Variants in ATN1 observed in about 807,000 individuals in gnomAD.
ATN1 encodes the protein atrophin-1.
Under a neutral mutation model 85.8 loss-of-function variants are expected in ATN1, and 19 were observed. That is an observed-to-expected ratio of 0.22 (90% CI 0.15 to 0.32). The LOEUF (loss-of-function observed/expected upper bound fraction) is 0.32. ATN1 is among the 10% of genes least tolerant of loss of function. The pLI, the probability that ATN1 is intolerant of heterozygous loss-of-function variation, is 1.00. For missense variants in ATN1, 1,453 were observed against 1,564.5 expected (o/e 0.93, Z 1.20); for synonymous variants, 674 against 657.0 (o/e 1.03, Z -0.39).
At position 6,938,710 on chromosome 12, in the gene ATN1, T is replaced by G; in HGVS notation, c.2747T>G (p.Leu916Arg). Residue 916 changes from leucine (L) to arginine (R), a missense_variant, in exon 7 of 10, where the codon CTG becomes CGG. Leu to Arg is a moderately radical substitution (Grantham distance 102). This residue lies in a region of ATN1 where 208 missense variants were observed against 263.4 expected (regional missense o/e 0.79). Coordinates refer to ENST00000396684, the MANE Select transcript of ATN1 (RefSeq NM_001940.4). ...VPLGAVDPGL[L>R]GYNVPALYSS... The stretch of plus-strand genomic sequence containing the variant: ...CTGGGGGCAGTGGACCCGGGGCTCC[T>G]GGGTTACAATGTCCCGGCCCTGTAC... 1 of 1,614,062 alleles carries G rather than the reference T, an allele frequency of 6.2e-7. No individual in the cohort carries two copies. Among genetic ancestry groups the G allele is most frequent in the Non-Finnish European group, 8.5e-7 (1 of 1,180,026 alleles).
At position 6,938,656 on chromosome 12, in the gene ATN1, G is replaced by A. The variant is rs1555144241; in HGVS notation, c.2693G>A (p.Gly898Asp). ...EYARPHVMSPGNRNHPFYVPL... is the reference protein window; with the variant it reads ...EYARPHVMSPDNRNHPFYVPL... ...GCCCGGCCTCATGTCATGTCTCCTG[G>A]CAATCGCAACCATCCATTCTACGTG... Residue 898 changes from glycine (G) to aspartate (D), a missense_variant, in exon 7 of 10, where the codon GGC (glycine) becomes GAC (aspartate). Physicochemically the swap from Gly to Asp is moderately conservative, Grantham distance 94. Around this residue, in one of 6 missense-constraint regions of ATN1, gnomAD observed 208 missense variants for 263.4 expected, o/e 0.79. Coordinates refer to ENST00000396684, the MANE Select transcript of ATN1 (RefSeq NM_001940.4). 1 of 1,614,194 alleles carries A rather than the reference G, an allele frequency of 6.2e-7. No homozygotes were observed. The highest frequency in any genetic ancestry group is 1.1e-5 in the South Asian group (1 of 91,086).
chr12:6,935,958 C>T lies in ATN1; in HGVS notation c.691C>T (p.Pro231Ser), dbSNP rs782075942. ...PGGTGGVLSGPPMGPKGGGAA... is the reference protein window; with the variant it reads ...PGGTGGVLSGSPMGPKGGGAA... The stretch of plus-strand genomic sequence containing the variant: ...GGGCACTGGTGGAGTTTTGTCTGGA[C>T]CCCCAATGGGTCCCAAGGGGGGAGG... The change falls in exon 5 of 10, where the codon CCC (proline) becomes TCC (serine). Residue 231 changes from proline to serine, a missense_variant. By Grantham distance (74) the Pro-to-Ser change is moderately conservative (BLOSUM62 -1). Coordinates refer to ENST00000396684, the MANE Select transcript of ATN1 (RefSeq NM_001940.4). This position sits in a 1 kb window ranked among gnomAD's most constrained non-coding sequence, Gnocchi z 5.3. 1.9e-6 allele frequency: 3 copies of T among 1,592,564 alleles called. No homozygotes were observed. Among genetic ancestry groups the T allele is most frequent in the Non-Finnish European group, 2.6e-6 (3 of 1,168,422 alleles).
chr12:6,927,511 C>T (rs1555142695), upstream of ATN1, among the ~76,000 whole-genome samples: 2 of 152,008 alleles, frequency 1.3e-5, no homozygotes, highest in African/African-American at 4.8e-5. Flanking sequence ...CCCTCACCAC[C>T]CACAGCCCCT....
At position 6,935,915 on chromosome 12, in the gene ATN1, C is replaced by T; in HGVS notation, c.648C>T (p.His216=). 1.2e-6 allele frequency: 2 copies of T among 1,609,036 alleles called. No individual in the cohort carries two copies. The highest frequency in any genetic ancestry group is 1.3e-5 in the African/African-American group (1 of 74,962). The part of the protein sequence containing the change: ...FQAPPGAPPP[H]PQLYPGGTGG... ...CTCCTCCTGGGGCCCCTCCCCCTCA[C>T]CCACAGCTCTATCCTGGGGGCACTG... Residue 216 remains histidine (H), a synonymous_variant, in exon 5 of 10, where the codon CAC becomes CAT. Transcript: ENST00000396684. This position sits in a 1 kb window ranked among gnomAD's most constrained non-coding sequence, Gnocchi z 5.3.
chr12:6,927,016 T>A (rs1945405527), upstream of ATN1, among the ~76,000 whole-genome samples: 1 of 151,694 alleles, frequency 6.6e-6, no homozygotes, highest in African/African-American at 2.4e-5. Flanking sequence ...TTCCCTAGAA[T>A]TGGCACCTGG....
intron 1 of ATN1, 87 bp from the exon 2 acceptor site, chr12:6,933,753 G>A (rs190348301): frequency 1.5e-4 from 88 of 585,192 alleles, no homozygotes; most frequent in African/African-American, 1.2e-3. Flanking sequence ...GGGTTGGGCC[G>A]CTTGCTCAGT....
At chr12:6,927,431 C>T (rs1478704654), upstream of ATN1, among the ~76,000 whole-genome samples, 2 of 151,810 alleles carry the variant, frequency 1.3e-5, no homozygotes, top group Non-Finnish European at 2.9e-5. Context: ...CCCCAGGATC[C>T]CCCAAACTCC....
upstream of ATN1, among the ~76,000 whole-genome samples, chr12:6,926,509 C>G (rs1200704152): frequency 1.3e-5 from 2 of 151,062 alleles, no homozygotes; most frequent in African/African-American, 4.9e-5. Flanking sequence ...GCGTCTCGCT[C>G]TGTCTCCCAG....
At chr12:6,927,784 C>G (rs1461852524), upstream of ATN1, among the ~76,000 whole-genome samples, 1 of 151,922 alleles carries the variant, frequency 6.6e-6, no homozygotes, top group East Asian at 1.9e-4. Context: ...CTCCCAGGCT[C>G]CCTCCCTTCG....
intron 6 of ATN1, 120 bp from the exon 7 acceptor site, chr12:6,938,361 C>T: frequency 7.2e-7 from 1 of 1,390,964 alleles, no homozygotes; most frequent in South Asian, 1.5e-5. Context: ...TCCAGGTGGG[C>T]AGAGTTTCAA....
Position 6,939,177 on chromosome 12 carries a change from G to A in ATN1, c.3214G>A (p.Ala1072Thr). Residue 1072 changes from alanine to threonine, a missense_variant and splice_region_variant, in exon 7 of 10, where the codon GCC (alanine) becomes ACC (threonine). By Grantham distance (58) the Ala-to-Thr change is moderately conservative (BLOSUM62 0). Around this residue, in one of 6 missense-constraint regions of ATN1, gnomAD observed 118 missense variants for 163.7 expected, o/e 0.72. Coordinates refer to ENST00000396684, the MANE Select transcript of ATN1 (RefSeq NM_001940.4). Reference protein sequence around the residue: ...HLHQQDAIHAASASVHPLIDP... With the variant: ...HLHQQDAIHATSASVHPLIDP... ...GCACCAGCAAGATGCTATCCATGCA[G>A]GTGAGACCCCTCCTTCCTTGCCCTG... 1 of 1,590,556 alleles carries A rather than the reference G, an allele frequency of 6.3e-7. No individual in the cohort carries two copies. Among genetic ancestry groups the A allele is most frequent in the Non-Finnish European group, 8.5e-7 (1 of 1,172,866 alleles).
chr12:6,937,138 C>T lies in ATN1; in HGVS notation c.1871C>T (p.Ser624Leu). ...LSTVIATVAS[S>L]PAGYKTASPP... The stretch of plus-strand genomic sequence containing the variant: ...ACGGTCATTGCCACCGTGGCTTCCT[C>T]GCCAGCAGGCTACAAAACGGCCTCC... Residue 624 changes from serine to leucine, a missense_variant, in exon 5 of 10, where the codon TCG becomes TTG. Transcript: ENST00000396684. The surrounding 1 kb of genome is among the most constrained non-coding windows in gnomAD (Gnocchi z 6.0). 1 of 1,611,524 alleles carries T rather than the reference C, an allele frequency of 6.2e-7. No individual in the cohort carries two copies. Among genetic ancestry groups the T allele is most frequent in the Non-Finnish European group, 8.5e-7 (1 of 1,180,002 alleles).
At chr12:6,930,735 G>A (rs899669156) in intron 1 of ATN1, among the ~76,000 whole-genome samples, 3 of 152,190 alleles carry the variant, frequency 2.0e-5, no homozygotes, top group Non-Finnish European at 4.4e-5. Context: ...GGTGGAGCTT[G>A]CAGTGAGCCG....
Position 6,939,173 on chromosome 12 carries a change from T to G in ATN1, c.3210T>G (p.His1070Gln). 1 of 1,594,628 alleles carries G rather than the reference T, an allele frequency of 6.3e-7. No individual in the cohort carries two copies. Among genetic ancestry groups the G allele is most frequent in the South Asian group, 1.1e-5 (1 of 90,772 alleles). The change falls in exon 7 of 10, where the codon CAT (histidine) becomes CAG (glutamine). Residue 1070 changes from histidine to glutamine, a missense_variant. By Grantham distance (24) the His-to-Gln change is conservative. Around this residue, in one of 6 missense-constraint regions of ATN1, gnomAD observed 118 missense variants for 163.7 expected, o/e 0.72. Transcript: ENST00000396684. ...ACCTGCACCAGCAAGATGCTATCCA[T>G]GCAGGTGAGACCCCTCCTTCCTTGC... ...HLHLHQQDAI[H>Q]AASASVHPLI... is the part of the protein sequence containing the mutation.
chr12:6,939,229 C>A, intron 7 of ATN1, 52 bp downstream of exon 7: 1 of 1,524,676 alleles, frequency 6.6e-7, no homozygotes. Context: ...TTCCCCCTAT[C>A]ATGACTGGGC....
At position 6,937,652 on chromosome 12, in the gene ATN1, C is replaced by T. The variant is rs1945568318; in HGVS notation, c.2294+91C>T. 1 of 1,430,206 alleles carries T rather than the reference C, an allele frequency of 7.0e-7. No homozygotes were observed. Among genetic ancestry groups the T allele is most frequent in the Admixed American group, 2.8e-5 (1 of 35,432 alleles). 88.6% of individuals were successfully genotyped at this position (1,430,206 alleles called of 1,614,324 possible). Reference sequence around the variant, plus strand: ...GGGAGTAGCAGGGAGGGGCCTTGCGCTGGTGTAGTGTTTTAGAAAAGCACG... The same window carrying T: ...GGGAGTAGCAGGGAGGGGCCTTGCGTTGGTGTAGTGTTTTAGAAAAGCACG... On this transcript the variant is annotated intron_variant, in intron 5 of 9. Transcript: ENST00000396684. The surrounding 1 kb of genome is among the most constrained non-coding windows in gnomAD (Gnocchi z 6.0).
rs1945648364 is a variant in ATN1, at chr12:6,942,294, C to G, written c.*514C>G. ...AACATCCCAACCAAAACCAACCAAA[C>G]AAAAACATCCTCACAACTCCCCAGG... On this transcript the variant is annotated 3_prime_UTR_variant, in exon 10 of 10. Coordinates refer to ENST00000396684, the MANE Select transcript of ATN1 (RefSeq NM_001940.4). 6.5e-6 allele frequency: 1 copy of G among 153,924 alleles called. No individual in the cohort carries two copies. Among genetic ancestry groups the G allele is most frequent in the Non-Finnish European group, 1.5e-5 (1 of 68,948 alleles). 9.5% of individuals were successfully genotyped at this position (153,924 alleles called of 1,614,324 possible).
At chr12:6,938,319 C>T (rs2083508326) in intron 6 of ATN1, among the ~76,000 whole-genome samples, 162 bp from the exon 7 acceptor site, 1 of 152,202 alleles carries the variant, frequency 6.6e-6, no homozygotes, top group Admixed American at 6.5e-5. Context: ...CCAAGAAGGG[C>T]AAATATTCGG....
chr12:6,930,840 G>A (rs1945453032), intron 1 of ATN1, among the ~76,000 whole-genome samples: 3 of 151,944 alleles, frequency 2.0e-5, no homozygotes, highest in Admixed American at 2.0e-4. Flanking sequence ...AATAAAGCAA[G>A]GTAATGAAGG....
Sources: allele counts gnomAD v4.1 joint callset (sites outside exome capture counted in the v4.1 genomes callset), GRCh38; gene constraint gnomAD v4.1.1; regional missense constraint gnomAD v4.1.1; non-coding constraint Gnocchi (gnomAD v3.1); transcripts MANE v1.5; gene names NCBI Gene and HGNC (gene_info 2026-07-23, HGNC 2026-07-21).